CXADR: variants seen among roughly 807,000 people sequenced by gnomAD.
The protein encoded by CXADR is coxsackievirus and adenovirus receptor.
In CXADR, 20 loss-of-function variants were observed where a neutral mutation model predicts 40.3. The observed-to-expected ratio is 0.50, with a 90% CI of 0.35 to 0.72. The LOEUF (loss-of-function observed/expected upper bound fraction) is 0.72, where lower values mean the gene tolerates loss of function less well. Among genes scored for constraint, CXADR ranks in the 30% least tolerant of loss-of-function variants. The pLI is 0.01. For missense variants in CXADR, 332 were observed against 449.1 expected (o/e 0.74, Z 2.36); for synonymous variants, 150 against 161.3 (o/e 0.93, Z 0.53).
the CXADR span, among the ~76,000 whole-genome samples, chr21:17,635,485 T>G: frequency 6.6e-6 from 1 of 152,102 alleles, no homozygotes; most frequent in Non-Finnish European, 1.5e-5. Flanking sequence ...TCCTACTCCA[T>G]CCTCCCACCA....
chr21:17,611,693 G>A, the CXADR span: 2 of 152,170 alleles, frequency 1.3e-5, no homozygotes, highest in African/African-American at 4.8e-5. Context: ...AATATCGCAC[G>A]GTGACGTCAT....
the CXADR span, among the ~76,000 whole-genome samples, chr21:17,626,710 G>A: frequency 1.3e-5 from 2 of 152,186 alleles, no homozygotes; most frequent in African/African-American, 4.8e-5. Flanking sequence ...TGCAGCTGCT[G>A]GGAATGGGGT....
chr21:17,543,859 C>T (rs113062792), intron 1 of CXADR, among the ~76,000 whole-genome samples: 2 of 152,100 alleles, frequency 1.3e-5, no homozygotes, highest in Admixed American at 6.5e-5. Flanking sequence ...ATAAGTTTCT[C>T]AACATCTAGG....
chr21:17,565,315 T>A (rs1307076427), intron 6 of CXADR, 113 bp from the exon 7 acceptor site: 18 of 1,109,184 alleles, frequency 1.6e-5, no homozygotes, highest in African/African-American at 3.2e-5. Context: ...ACACACACAC[T>A]TTTATATGTT....
the CXADR span, among the ~76,000 whole-genome samples, chr21:17,628,435 G>A: frequency 5.3e-5 from 8 of 152,116 alleles, no homozygotes; most frequent in African/African-American, 1.4e-4. Context: ...CATTGCCGGC[G>A]GGCTTGAGAC....
the CXADR span, chr21:17,604,737 T>A: frequency 8.3e-7 from 1 of 1,206,088 alleles, no homozygotes; most frequent in Non-Finnish European, 1.1e-6. Context: ...AAAATTTACA[T>A]CTGAGAGAGT....
chr21:17,591,481 TTTA>T (rs1160122953), intron 7 of CXADR, among the ~76,000 whole-genome samples: 3 of 152,060 alleles, frequency 2.0e-5, no homozygotes, highest in Non-Finnish European at 4.4e-5. Context: ...ACATAAATGC[TTTA>T]TTATCTTAAC....
intron 1 of CXADR, among the ~76,000 whole-genome samples, chr21:17,527,981 A>G (rs1437328909): frequency 6.7e-6 from 1 of 148,304 alleles, no homozygotes; most frequent in Non-Finnish European, 1.5e-5. Flanking sequence ...ACATCCTTAC[A>G]CCACATTTTC....
chr21:17,556,031 G>T (rs1330203913), intron 3 of CXADR, among the ~76,000 whole-genome samples: 1 of 152,172 alleles, frequency 6.6e-6, no homozygotes, highest in Non-Finnish European at 1.5e-5. Context: ...TTACTAAATT[G>T]GTGGGATACC....
chr21:17,622,481 A>C, the CXADR span, among the ~76,000 whole-genome samples: 1 of 152,142 alleles, frequency 6.6e-6, no homozygotes, highest in Non-Finnish European at 1.5e-5. Flanking sequence ...GTCTATACCT[A>C]TATATAATGC....
chr21:17,530,737 C>T (rs1396359970), intron 1 of CXADR, among the ~76,000 whole-genome samples: 1 of 151,988 alleles, frequency 6.6e-6, no homozygotes, highest in Non-Finnish European at 1.5e-5. Flanking sequence ...TCACTTGAGC[C>T]CAGGAGGCAG....
chr21:17,612,081 G>C, the CXADR span: 2 of 152,356 alleles, frequency 1.3e-5, no homozygotes, highest in African/African-American at 4.8e-5. Flanking sequence ...CTGGGGTTTT[G>C]AGAGAGGTAG....
chr21:17,630,887 G>A, the CXADR span, among the ~76,000 whole-genome samples: 2 of 152,036 alleles, frequency 1.3e-5, no homozygotes, highest in Non-Finnish European at 2.9e-5. Context: ...GGAAGGTAAT[G>A]GATTACAGAA....
intron 7 of CXADR, among the ~76,000 whole-genome samples, chr21:17,589,142 A>G (rs1362981637): frequency 2.0e-5 from 3 of 151,972 alleles, no homozygotes; most frequent in African/African-American, 7.2e-5. Flanking sequence ...TTTCTCATGA[A>G]TATTATCATA....
intron 7 of CXADR, among the ~76,000 whole-genome samples, chr21:17,580,046 C>T (rs1266530410): frequency 6.6e-6 from 1 of 152,122 alleles, no homozygotes; most frequent in Non-Finnish European, 1.5e-5. Context: ...TGGTCTCAAA[C>T]TCCTGGCCTC....
At chr21:17,534,975 G>A (rs1227628529) in intron 1 of CXADR, among the ~76,000 whole-genome samples, 2 of 151,788 alleles carry the variant, frequency 1.3e-5, no homozygotes, top group Admixed American at 1.3e-4. Context: ...AGTAGAGATG[G>A]GGTTTCATCC....
At chr21:17,551,708 GTGTT>G in intron 2 of CXADR, 37 bp from the exon 3 acceptor site, 3 of 1,545,094 alleles carry the variant, frequency 1.9e-6, no homozygotes, top group South Asian at 1.2e-5. Context: ...TTTTTTGTGT[GTGTT>G]TGTTTTTCCT....
intron 7 of CXADR, among the ~76,000 whole-genome samples, chr21:17,579,840 G>A (rs1456962051): frequency 6.6e-6 from 1 of 151,672 alleles, no homozygotes. Context: ...ATAAAAGTGT[G>A]TTTGTATGAA....
chr21:17,589,796 C>T (rs1183223210), intron 7 of CXADR, among the ~76,000 whole-genome samples: 3 of 151,940 alleles, frequency 2.0e-5, no homozygotes, highest in African/African-American at 7.2e-5. Context: ...TCTAGAAGTA[C>T]GTACAATTGC....
Sources: gnomAD v4.1 joint callset for allele counts (sites outside exome capture counted in the v4.1 genomes callset) on GRCh38, gnomAD v4.1.1 for gene constraint, MANE v1.5 for transcripts, NCBI Gene and HGNC (gene_info 2026-07-23, HGNC 2026-07-21) for gene names.